Variants in ELAVL3 observed in about 807,000 individuals in gnomAD.
ELAVL3 encodes the protein ELAV-like protein 3.
In ELAVL3, 8 loss-of-function variants were observed where a neutral mutation model predicts 34.2. The ratio of observed to expected loss-of-function variants is 0.23; its 90% CI spans 0.14 to 0.42. ELAVL3 has a LOEUF of 0.42. Ranked by LOEUF, ELAVL3 falls within the 10% of genes least tolerant of loss-of-function variation. ELAVL3 has a pLI of 1.00. For synonymous variants in ELAVL3, 209 were observed against 222.1 expected, an observed-to-expected ratio of 0.94 and a Z score of 0.53; for missense variants, 273 against 518.8, an observed-to-expected ratio of 0.53 and a Z score of 4.60.
chr19:11,465,317 ACACACATG>A (rs1470538083), intron 3 of ELAVL3, among the ~76,000 whole-genome samples: 1 of 145,868 alleles, frequency 6.9e-6, no homozygotes, highest in Non-Finnish European at 1.5e-5. Context: ...CCACACACAT[ACACACATG>A]CACACACACC....
chr19:11,459,686 T>C (rs140849906), intron 3 of ELAVL3, among the ~76,000 whole-genome samples: 44 of 152,232 alleles, frequency 2.9e-4, no homozygotes, highest in African/African-American at 1.0e-3. Context: ...ATACTGGGAT[T>C]ATAGGTGTGA....
chr19:11,463,520 C>A (rs573573631), intron 3 of ELAVL3, among the ~76,000 whole-genome samples: 1 of 152,108 alleles, frequency 6.6e-6, no homozygotes, highest in Non-Finnish European at 1.5e-5. Flanking sequence ...CACAAACACA[C>A]GATATCACAC....
chr19:11,469,235 T>C (rs1057493235), intron 1 of ELAVL3, among the ~76,000 whole-genome samples: 1 of 150,888 alleles, frequency 6.6e-6, no homozygotes, highest in Admixed American at 6.6e-5. Context: ...GCCCATTTTT[T>C]AGCTTTAATA....
At chr19:11,459,563 G>A (rs371552646) in intron 3 of ELAVL3, among the ~76,000 whole-genome samples, 6 of 151,114 alleles carry the variant, frequency 4.0e-5, no homozygotes, top group South Asian at 4.2e-4. Flanking sequence ...CACCTCCCCC[G>A]GCCTCAGCTA....
At chr19:11,461,116 C>T (rs1342615194) in intron 3 of ELAVL3, among the ~76,000 whole-genome samples, 3 of 151,570 alleles carry the variant, frequency 2.0e-5, no homozygotes, top group Non-Finnish European at 4.4e-5. Flanking sequence ...GAGTTAAAGG[C>T]TGCAGTGAGC....
chr19:11,462,174 C>CAA (rs775716481), intron 3 of ELAVL3, among the ~76,000 whole-genome samples: 21,640 of 73,302 alleles, frequency 0.3, 2,855 homozygotes, highest in African/African-American at 0.39. Context: ...GACTCCGTCT[C>CAA]AAAAAAAAAA....
At chr19:11,467,400 C>T (rs1358755357) in intron 1 of ELAVL3, among the ~76,000 whole-genome samples, 6 of 151,946 alleles carry the variant, frequency 3.9e-5, no homozygotes, top group African/African-American at 1.5e-4. Flanking sequence ...CCAGCCTGGG[C>T]AACAGGAGTG....
Position 11,464,147 on chromosome 19 carries a change from C to CTA in ELAVL3, c.333+2024_333+2025insTA, listed in dbSNP as rs1157072664. ...TGTCTCTCTCTCTCTCTCTCTCTCT[C>CTA]TCTCTATATATATATATATATTTTT... On this transcript the variant is annotated intron_variant, in intron 3 of 6. Coordinates refer to ENST00000359227, the MANE Select transcript of ELAVL3 (RefSeq NM_001420.4). Among the ~76,000 whole-genome samples the CTA allele has an allele frequency of 2.0e-3, 205 of 104,068 alleles. 1 individual carries two copies. In the East Asian group the frequency reaches 0.031, roughly 16 times the overall value. 68.3% of individuals were successfully genotyped at this position (104,068 alleles called of 152,430 possible).
intron 1 of ELAVL3, among the ~76,000 whole-genome samples, chr19:11,470,377 T>A (rs937166125): frequency 6.0e-5 from 9 of 150,828 alleles, no homozygotes; most frequent in Admixed American, 4.0e-4. Flanking sequence ...ATAAAATAAA[T>A]AAATAAGGCC....
At chr19:11,475,404 A>G (rs528004776) in intron 1 of ELAVL3, among the ~76,000 whole-genome samples, 2 of 152,276 alleles carry the variant, frequency 1.3e-5, no homozygotes, top group East Asian at 3.9e-4. Context: ...TCTCAGGCTC[A>G]AGTGATTCTC....
Position 11,458,125 on chromosome 19 carries a change from G to T in ELAVL3, c.649C>A (p.His217Asn). Residue 217 changes from histidine to asparagine, a missense_variant, in exon 5 of 7, where the codon CAC becomes AAC. His to Asn is a moderately conservative substitution (Grantham distance 68). Around this residue, in one of 4 missense-constraint regions of ELAVL3, gnomAD observed 79 missense variants for 108.2 expected, o/e 0.73. Transcript: ENST00000359227. This position sits in a 1 kb window ranked among gnomAD's most constrained non-coding sequence, Gnocchi z 7.3. Reference protein sequence around the residue: ...SQKTGQALLTHLYQSSARRYA... With the variant: ...SQKTGQALLTNLYQSSARRYA... ...CGCCGGGCGGATGACTGGTAGAGGTGGGTGAGCAGCGCCTGCCCCGTCTTC... is the reference window on the plus strand; with the variant it reads ...CGCCGGGCGGATGACTGGTAGAGGTTGGTGAGCAGCGCCTGCCCCGTCTTC... 6.2e-7 allele frequency: 1 copy of T among 1,614,094 alleles called. No homozygotes were observed. The highest frequency in any genetic ancestry group is 8.5e-7 in the Non-Finnish European group (1 of 1,180,034).
At chr19:11,464,834 A>AC (rs1970990956) in intron 3 of ELAVL3, among the ~76,000 whole-genome samples, 1 of 120,916 alleles carries the variant, frequency 8.3e-6, no homozygotes, top group African/African-American at 3.2e-5. Flanking sequence ...CACCACACAC[A>AC]AACCAGACAC....
chr19:11,465,968 G>A (rs552597262), intron 3 of ELAVL3, among the ~76,000 whole-genome samples: 57 of 152,238 alleles, frequency 3.7e-4, no homozygotes, highest in African/African-American at 1.3e-3. Flanking sequence ...CCCATTGACA[G>A]GTGAGGAAAC....
intron 3 of ELAVL3, among the ~76,000 whole-genome samples, chr19:11,465,588 A>C (rs1233688380): frequency 1.4e-5 from 2 of 140,424 alleles, no homozygotes; most frequent in African/African-American, 2.6e-5. Flanking sequence ...CAGATGGGCC[A>C]CCCCCCCGAC....
Position 11,466,350 on chromosome 19 carries a change from G to A in ELAVL3, c.230-75C>T, listed in dbSNP as rs990477176. 2.2e-6 allele frequency: 3 copies of A among 1,385,408 alleles called. No homozygotes were observed. In the African/African-American group the frequency reaches 4.3e-5, roughly 20 times the overall value. 85.8% of individuals were successfully genotyped at this position (1,385,408 alleles called of 1,614,324 possible). ...CCAGTGTCCCACCTCAGGCCTGAGA[G>A]ACTGTCCCCTCCCCACCAAGTTTCC... On this transcript the variant is annotated intron_variant, in intron 2 of 6. Transcript: ENST00000359227. This position sits in a 1 kb window ranked among gnomAD's most constrained non-coding sequence, Gnocchi z 5.0.
Position 11,453,054 on chromosome 19 carries a change from G to C in ELAVL3, c.*1472C>G, listed in dbSNP as rs558590483. ...CCCTGGGCCTGGCGGGGAGTGCCGG[G>C]GTCTTGCTGCCGGGGAGGCCCAGTC... On this transcript the variant is annotated 3_prime_UTR_variant, in exon 7 of 7. Coordinates refer to ENST00000359227, the MANE Select transcript of ELAVL3 (RefSeq NM_001420.4). 1 of 152,180 alleles carries C rather than the reference G, an allele frequency of 6.6e-6. No individual in the cohort carries two copies. Among genetic ancestry groups the C allele is most frequent in the East Asian group, 1.9e-4 (1 of 5,132 alleles). The allele number at this position is 152,180 out of a possible 1,614,324, so 9.4% of individuals were successfully genotyped here.
chr19:11,468,234 A>G (rs1237467275), intron 1 of ELAVL3, among the ~76,000 whole-genome samples: 1 of 151,860 alleles, frequency 6.6e-6, no homozygotes, highest in African/African-American at 2.4e-5. Flanking sequence ...ACCTGCCTTC[A>G]TCTCCCCTTG....
intron 1 of ELAVL3, among the ~76,000 whole-genome samples, chr19:11,472,718 GA>G (rs1263947262): frequency 1.2e-4 from 18 of 151,610 alleles, no homozygotes; most frequent in Non-Finnish European, 2.2e-4. Flanking sequence ...AGAAAAAGAA[GA>G]AGAAGAAGAA....
chr19:11,479,740 C>G (rs1272496264), intron 1 of ELAVL3, among the ~76,000 whole-genome samples: 2 of 151,610 alleles, frequency 1.3e-5, no homozygotes, highest in African/African-American at 2.4e-5. Context: ...TGACCAGCTC[C>G]GTGGCTGCTG....
Sources: allele counts gnomAD v4.1 joint callset (sites outside exome capture counted in the v4.1 genomes callset), GRCh38; gene constraint gnomAD v4.1.1; regional missense constraint gnomAD v4.1.1; non-coding constraint Gnocchi (gnomAD v3.1); transcripts MANE v1.5; gene names NCBI Gene and HGNC (gene_info 2026-07-23, HGNC 2026-07-21).